The following WLS variants were observed in gnomAD, a reference collection of about 807,000 sequenced individuals.
WLS encodes Wnt ligand secretion mediator.
Under a neutral mutation model 62.8 loss-of-function variants are expected in WLS, and 23 were observed. The observed-to-expected ratio is 0.37, with a 90% CI of 0.26 to 0.52. The LOEUF (loss-of-function observed/expected upper bound fraction) is 0.52, where lower values mean the gene tolerates loss of function less well. Ranked by LOEUF, WLS falls within the 20% of genes least tolerant of loss-of-function variation. The pLI, the probability that WLS is intolerant of heterozygous loss-of-function variation, is 0.92. For missense variants in WLS, 615 were observed against 697.3 expected, an observed-to-expected ratio of 0.88 and a Z score of 1.33; for synonymous variants, 246 against 244.1, an observed-to-expected ratio of 1.01 and a Z score of -0.07.
intron 11 of WLS, among the ~76,000 whole-genome samples, chr1:68,130,873 T>TGGTA (rs1454737757): frequency 6.8e-6 from 1 of 146,132 alleles, no homozygotes; most frequent in Non-Finnish European, 1.5e-5. Flanking sequence ...AAATGGTGAA[T>TGGTA]GGTAGGTTTC....
chr1:68,229,099 C>T (rs767839935), intron 1 of WLS, among the ~76,000 whole-genome samples: 2 of 151,954 alleles, frequency 1.3e-5, no homozygotes, highest in Non-Finnish European at 2.9e-5. Context: ...AATTTTAGAA[C>T]CGAAAGGGAC....
intron 1 of WLS, among the ~76,000 whole-genome samples, chr1:68,224,554 T>C (rs1650060003): frequency 6.6e-6 from 1 of 152,224 alleles, no homozygotes; most frequent in Non-Finnish European, 1.5e-5. Context: ...TTTTGCTGTA[T>C]GCAATAATTT....
chr1:68,106,217 G>A lies in WLS; in HGVS notation c.1511-7464C>T, dbSNP rs573256742. 2.0e-5 allele frequency among the ~76,000 whole-genome samples: 3 copies of A among 152,208 alleles called. No individual in the cohort carries two copies. In the South Asian group the frequency reaches 6.2e-4, roughly 32 times the overall value. ...GGAGTGGTTTATTAAAAGGCACTTC[G>A]AGCCATTCATAAAGAAATAAATGAT... is the stretch of plus-strand genomic sequence containing the variant. On this transcript the variant is annotated intron_variant, in intron 11 of 11. Coordinates refer to the WLS transcript ENST00000354777.
At chr1:68,210,012 A>G (rs1199136009) in intron 1 of WLS, among the ~76,000 whole-genome samples, 2 of 152,238 alleles carry the variant, frequency 1.3e-5, no homozygotes, top group African/African-American at 4.8e-5. Context: ...ACCCAAAGTT[A>G]CATGAGTTCA....
At chr1:68,219,797 G>T (rs1004587755) in intron 1 of WLS, among the ~76,000 whole-genome samples, 1 of 152,070 alleles carries the variant, frequency 6.6e-6, no homozygotes, top group Non-Finnish European at 1.5e-5. Context: ...TGTTTCAGAA[G>T]TAATTAATAT....
At chr1:68,110,692 C>CCAT (rs1646216637) in intron 11 of WLS, among the ~76,000 whole-genome samples, 2 of 138,386 alleles carry the variant, frequency 1.4e-5, no homozygotes, top group African/African-American at 5.8e-5. Context: ...TCTCTCTCTC[C>CCAT]ATATATATAT....
At chr1:68,223,596 C>G (rs1650025838) in intron 1 of WLS, among the ~76,000 whole-genome samples, 1 of 152,176 alleles carries the variant, frequency 6.6e-6, no homozygotes, top group Non-Finnish European at 1.5e-5. Flanking sequence ...AGTGCAAAGT[C>G]CTCTGGAAAT....
intron 2 of WLS, among the ~76,000 whole-genome samples, chr1:68,174,786 C>T (rs1490970827): frequency 6.6e-6 from 1 of 152,248 alleles, no homozygotes; most frequent in Non-Finnish European, 1.5e-5. Context: ...TCTCCTCCCT[C>T]AGCCCTTGGC....
At chr1:68,147,967 G>T (rs1212562209) in intron 8 of WLS, among the ~76,000 whole-genome samples, 169 bp downstream of exon 8, 1 of 152,216 alleles carries the variant, frequency 6.6e-6, no homozygotes, top group African/African-American at 2.4e-5. Flanking sequence ...TTGAAAGCAA[G>T]CAGTAATTCT....
In WLS at chr1:68,148,609, T is replaced by C; in HGVS notation, c.1024A>G (p.Ile342Val). 6.2e-7 allele frequency: 1 copy of C among 1,614,038 alleles called. No homozygotes were observed. The highest frequency in any genetic ancestry group is 8.5e-7 in the Non-Finnish European group (1 of 1,179,990). The change falls in exon 7 of 12, where the codon ATT becomes GTT. Residue 342 changes from isoleucine to valine, a missense_variant. Transcript: ENST00000262348. Reference sequence around the variant, plus strand: ...AAGAGGCAGAAGGAGCCAACGGCAATGGGTCCGACTTGCTTCCAATACCCT... The same window carrying C: ...AAGAGGCAGAAGGAGCCAACGGCAACGGGTCCGACTTGCTTCCAATACCCT... ...IAGYWKQVGPIAVGSFCLFIF... is the reference protein window; with the variant it reads ...IAGYWKQVGPVAVGSFCLFIF...
chr1:68,124,782 G>A (rs114313858), downstream of WLS, among the ~76,000 whole-genome samples: 1,414 of 152,316 alleles, frequency 9.3e-3, 10 homozygotes, highest in Middle Eastern at 0.027. Flanking sequence ...GGCTAGGGGT[G>A]CTGAGTGGTG....
At chr1:68,131,673 C>A (rs1412137167) in intron 11 of WLS, among the ~76,000 whole-genome samples, 1 of 152,044 alleles carries the variant, frequency 6.6e-6, no homozygotes, top group African/African-American at 2.4e-5. Context: ...GTGTTACAGG[C>A]TGAATTGTAT....
chr1:68,168,031 C>A (rs1189046869), intron 2 of WLS, among the ~76,000 whole-genome samples: 1 of 152,088 alleles, frequency 6.6e-6, no homozygotes, highest in Non-Finnish European at 1.5e-5. Context: ...TTGAGAAAAG[C>A]AAAGCCAATC....
chr1:68,150,322 T>C lies in WLS; in HGVS notation c.838A>G (p.Ile280Val). 6.2e-7 allele frequency: 1 copy of C among 1,614,178 alleles called. No individual in the cohort carries two copies. Among genetic ancestry groups the C allele is most frequent in the Non-Finnish European group, 8.5e-7 (1 of 1,180,032 alleles). Residue 280 changes from isoleucine (I) to valine (V), a missense_variant, in exon 6 of 12, where the codon ATC (isoleucine) becomes GTC (valine). Coordinates refer to ENST00000262348, the MANE Select transcript of WLS (RefSeq NM_024911.7). The stretch of plus-strand genomic sequence containing the variant: ...GAAAACCATTCCACTGGGATATTGA[T>C]AAAGGTCATGGAAATCCCAAGGGCA... The part of the protein sequence containing the change: ...IFALGISMTF[I>V]NIPVEWFSIG...
At chr1:68,222,077 T>G (rs1485859689) in intron 1 of WLS, among the ~76,000 whole-genome samples, 2 of 152,218 alleles carry the variant, frequency 1.3e-5, no homozygotes, top group African/African-American at 4.8e-5. Flanking sequence ...GAATTATGCC[T>G]GCCACAAACA....
chr1:68,137,473 G>A (rs1423726047), intron 11 of WLS, among the ~76,000 whole-genome samples: 1 of 152,154 alleles, frequency 6.6e-6, no homozygotes. Flanking sequence ...AGTCAATTGT[G>A]CTCAAAAATG....
intron 1 of WLS, among the ~76,000 whole-genome samples, chr1:68,214,971 C>G (rs541859199): frequency 1.1e-4 from 17 of 152,298 alleles, no homozygotes; most frequent in Non-Finnish European, 2.4e-4. Context: ...GAGGACATCT[C>G]TTCCTGGTAG....
chr1:68,184,303 G>A (rs1432895304), intron 2 of WLS, among the ~76,000 whole-genome samples: 1 of 152,192 alleles, frequency 6.6e-6, no homozygotes, highest in Non-Finnish European at 1.5e-5. Flanking sequence ...TGTATGACTT[G>A]CAGTTGTAAT....
At chr1:68,231,101 T>G (rs1225206103) in intron 1 of WLS, among the ~76,000 whole-genome samples, 1 of 152,084 alleles carries the variant, frequency 6.6e-6, no homozygotes, top group Non-Finnish European at 1.5e-5. Flanking sequence ...GGCATTGAAG[T>G]TTGTGCCGGG....
Sources: allele counts gnomAD v4.1 joint callset (sites outside exome capture counted in the v4.1 genomes callset), GRCh38; gene constraint gnomAD v4.1.1; transcripts MANE v1.5; gene names NCBI Gene and HGNC (gene_info 2026-07-23, HGNC 2026-07-21).